CNTLN: variants seen among roughly 807,000 people sequenced by gnomAD.
The protein encoded by CNTLN is centlein, centrosomal protein.
In CNTLN, 212 loss-of-function variants were observed where a neutral mutation model predicts 180.0. The ratio of observed to expected loss-of-function variants is 1.18; its 90% CI spans 1.05 to 1.32. CNTLN has a LOEUF of 1.32. Among genes scored for constraint, CNTLN ranks in the 40% most tolerant of loss-of-function variants. The probability of loss-of-function intolerance (pLI) is 0.00; values close to 1 mark genes in which losing one functional copy is unlikely to be tolerated. For synonymous variants in CNTLN, 722 were observed against 563.1 expected (o/e 1.28, Z -3.99); for missense variants, 2,095 against 1,610.9 (o/e 1.30, Z -5.14).
chr9:17,458,026 C>G (rs751676803), intron 19 of CNTLN, among the ~76,000 whole-genome samples: 2 of 151,888 alleles, frequency 1.3e-5, no homozygotes, highest in African/African-American at 2.4e-5. Flanking sequence ...AGAATCCTTT[C>G]AGGCATGTAA....
intron 1 of CNTLN, among the ~76,000 whole-genome samples, chr9:17,140,440 T>C (rs1230918667): frequency 6.7e-6 from 1 of 149,756 alleles, no homozygotes; most frequent in Non-Finnish European, 1.5e-5. Flanking sequence ...AGGTAATGGT[T>C]ATGTTTTTTT....
chr9:17,378,250 G>A (rs1246051881), intron 13 of CNTLN, among the ~76,000 whole-genome samples: 1 of 152,102 alleles, frequency 6.6e-6, no homozygotes, highest in Non-Finnish European at 1.5e-5. Flanking sequence ...CACAATCTTG[G>A]CTCATTGCAA....
At chr9:17,235,543 A>G (rs936913966) in intron 3 of CNTLN, 115 bp from the exon 4 acceptor site, 6 of 816,924 alleles carry the variant, frequency 7.3e-6, no homozygotes, top group Non-Finnish European at 9.5e-6. Flanking sequence ...GACAGACATT[A>G]TTATGAAAGC....
intron 14 of CNTLN, among the ~76,000 whole-genome samples, chr9:17,392,675 C>T (rs540956113): frequency 6.6e-6 from 1 of 151,748 alleles, no homozygotes; most frequent in Non-Finnish European, 1.5e-5. Context: ...TATATCATAC[C>T]ATGGAATAGA....
At chr9:17,314,443 G>C (rs180898836) in intron 8 of CNTLN, among the ~76,000 whole-genome samples, 1 of 152,126 alleles carries the variant, frequency 6.6e-6, no homozygotes, top group African/African-American at 2.4e-5. Context: ...CAAGCCCTGC[G>C]TCCCAACAGG....
At chr9:17,156,610 A>G (rs1483990676) in intron 2 of CNTLN, among the ~76,000 whole-genome samples, 4 of 152,178 alleles carry the variant, frequency 2.6e-5, no homozygotes. Context: ...TATAGTTGCC[A>G]TAAATAGGAT....
Position 17,503,786 on chromosome 9 carries a change from T to C in CNTLN, c.*1134T>C, listed in dbSNP as rs1833865639. 6.5e-6 allele frequency: 1 copy of C among 152,682 alleles called. No individual in the cohort carries two copies. The highest frequency in any genetic ancestry group is 1.5e-5 in the Non-Finnish European group (1 of 68,048). The allele number at this position is 152,682 out of a possible 1,614,324, so 9.5% of individuals were successfully genotyped here. A position where few individuals can be genotyped will look rare whatever the true frequency, so the allele number is the denominator to read the frequency against. The stretch of plus-strand genomic sequence containing the variant: ...AATCTGGCCTGCCACCTGTTTTGTA[T>C]GGCCCACAAGCTAAGAATGGTTTTT... On this transcript the variant is annotated 3_prime_UTR_variant, in exon 26 of 26. Transcript: ENST00000380647.
chr9:17,178,490 G>A (rs923310645), intron 2 of CNTLN, among the ~76,000 whole-genome samples: 1 of 152,140 alleles, frequency 6.6e-6, no homozygotes, highest in Non-Finnish European at 1.5e-5. Flanking sequence ...GGCTCGGGCT[G>A]CCCGGGATCC....
At chr9:17,507,643 A>G (rs1319070273), downstream of CNTLN, among the ~76,000 whole-genome samples, 1 of 152,214 alleles carries the variant, frequency 6.6e-6, no homozygotes, top group African/African-American at 2.4e-5. Context: ...AATATAATGG[A>G]TAAAAATGAC....
chr9:17,152,011 C>G (rs1214716529), intron 2 of CNTLN, among the ~76,000 whole-genome samples: 1 of 152,120 alleles, frequency 6.6e-6, no homozygotes, highest in Non-Finnish European at 1.5e-5. Flanking sequence ...GTGATATCCC[C>G]TATATCATTT....
intron 2 of CNTLN, chr9:17,167,698 A>G (rs935993981): frequency 6.6e-6 from 1 of 152,234 alleles, no homozygotes; most frequent in Non-Finnish European, 1.5e-5. Flanking sequence ...TGAGGTTGTT[A>G]ATAACAGAGT....
intron 24 of CNTLN, 36 bp from the exon 25 acceptor site, chr9:17,486,953 T>G: frequency 1.9e-6 from 2 of 1,058,818 alleles, no homozygotes; most frequent in Non-Finnish European, 2.8e-6. Context: ...TCATATAAAT[T>G]TCGTTAACAC....
chr9:17,479,405 C>T (rs542436753), intron 23 of CNTLN, among the ~76,000 whole-genome samples: 12 of 152,200 alleles, frequency 7.9e-5, no homozygotes, highest in South Asian at 2.1e-4. Context: ...TAAACTCCGA[C>T]GGCATTATGC....
chr9:17,277,848 G>A (rs1828411751), intron 6 of CNTLN, among the ~76,000 whole-genome samples: 1 of 152,010 alleles, frequency 6.6e-6, no homozygotes, highest in African/African-American at 2.4e-5. Flanking sequence ...AAAAATAGAA[G>A]GTGTAATATA....
intron 23 of CNTLN, among the ~76,000 whole-genome samples, chr9:17,468,105 C>G (rs532290297): frequency 7.9e-5 from 12 of 151,690 alleles, no homozygotes; most frequent in African/African-American, 2.9e-4. Flanking sequence ...TTGAATGGAG[C>G]TGGAGGCCAT....
chr9:17,143,061 G>C (rs1818215503), intron 1 of CNTLN, among the ~76,000 whole-genome samples: 1 of 152,184 alleles, frequency 6.6e-6, no homozygotes. Flanking sequence ...CATTTCAACA[G>C]TTGCATCCCA....
chr9:17,430,045 T>C (rs750893933), intron 18 of CNTLN, among the ~76,000 whole-genome samples: 2 of 152,044 alleles, frequency 1.3e-5, no homozygotes, highest in Admixed American at 6.5e-5. Flanking sequence ...TACCATATTG[T>C]ATTTGAATTG....
At chr9:17,384,388 G>A (rs1825526186) in intron 13 of CNTLN, among the ~76,000 whole-genome samples, 1 of 151,816 alleles carries the variant, frequency 6.6e-6, no homozygotes. Flanking sequence ...AATATTTGTG[G>A]CTGGTAACAA....
intron 12 of CNTLN, among the ~76,000 whole-genome samples, chr9:17,343,727 A>G (rs1448692853): frequency 1.3e-5 from 2 of 152,140 alleles, no homozygotes; most frequent in African/African-American, 4.8e-5. Flanking sequence ...ATTCACTGGT[A>G]TATTCAGAGC....
Sources: gnomAD v4.1 joint callset for allele counts (sites outside exome capture counted in the v4.1 genomes callset) on GRCh38, gnomAD v4.1.1 for gene constraint, MANE v1.5 for transcripts, NCBI Gene and HGNC (gene_info 2026-07-23, HGNC 2026-07-21) for gene names.